TMEM150C: variants seen among roughly 807,000 people sequenced by gnomAD.
TMEM150C encodes the protein tentonin 3.
In TMEM150C, 10 loss-of-function variants were observed where a neutral mutation model predicts 29.9. The ratio of observed to expected loss-of-function variants is 0.33; its 90% CI spans 0.21 to 0.57. The LOEUF is 0.57. Among genes scored for constraint, TMEM150C ranks in the 20% least tolerant of loss-of-function variants. The probability of loss-of-function intolerance (pLI) is 0.88; values close to 1 mark genes in which losing one functional copy is unlikely to be tolerated. For synonymous variants in TMEM150C, 101 were observed against 112.5 expected, an observed-to-expected ratio of 0.90 and a Z score of 0.64; for missense variants, 251 against 303.6, an observed-to-expected ratio of 0.83 and a Z score of 1.29.
chr4:82,547,603 G>T lies in TMEM150C; in HGVS notation c.-11+14303C>A, dbSNP rs191787221. Among the ~76,000 whole-genome samples the T allele has an allele frequency of 6.3e-4, 95 of 150,616 alleles. 2 individuals are homozygous for T. The highest frequency in any genetic ancestry group is 1.8e-3 in the Admixed American group (27 of 15,146). ...GACTGTCTCAAAAATAAAAAAAAAAGAAAAAAAAGGTTTAATCACCAGAGA... is the reference window on the plus strand; with the variant it reads ...GACTGTCTCAAAAATAAAAAAAAAATAAAAAAAAGGTTTAATCACCAGAGA... On this transcript the variant is annotated intron_variant, in intron 1 of 7. Transcript: ENST00000449862.
At chr4:82,553,021 T>C (rs1725632122) in intron 1 of TMEM150C, among the ~76,000 whole-genome samples, 1 of 152,240 alleles carries the variant, frequency 6.6e-6, no homozygotes, top group East Asian at 1.9e-4. Flanking sequence ...ACAGAGGCTA[T>C]TAAAATTTGA....
Position 82,507,727 on chromosome 4 carries a change from C to CTTTTTTTT in TMEM150C, c.-10-3068_-10-3061dup, listed in dbSNP as rs869112887. ...TTAAATTAACTCTCTCTCTCTCTCT[C>CTTTTTTTT]TTTTTTTTTTTTTTTTTTTTTTTTT... On this transcript the variant is annotated intron_variant, in intron 1 of 7. Coordinates refer to ENST00000449862, the MANE Select transcript of TMEM150C (RefSeq NM_001080506.3). 8.7e-4 allele frequency among the ~76,000 whole-genome samples: 18 copies of CTTTTTTTT among 20,592 alleles called. 5 individuals carry two copies. Among genetic ancestry groups the CTTTTTTTT allele is most frequent in the Non-Finnish European group, 1.2e-3 (16 of 13,494 alleles). 13.5% of individuals were successfully genotyped at this position (20,592 alleles called of 152,430 possible). A position where few individuals can be genotyped will look rare whatever the true frequency, so the allele number is the denominator to read the frequency against.
intron 1 of TMEM150C, among the ~76,000 whole-genome samples, chr4:82,505,164 C>A (rs1183449398): frequency 6.6e-6 from 1 of 152,178 alleles, no homozygotes; most frequent in African/African-American, 2.4e-5. Flanking sequence ...TGATTGTTAT[C>A]TAGCTTAAAT....
At chr4:82,534,344 T>C (rs777405607) in intron 1 of TMEM150C, among the ~76,000 whole-genome samples, 19 of 152,118 alleles carry the variant, frequency 1.2e-4, no homozygotes, top group South Asian at 4.1e-4. Flanking sequence ...TGAAAAACTA[T>C]TACATTTAAC....
chr4:82,554,549 T>C (rs1350774531), intron 1 of TMEM150C, among the ~76,000 whole-genome samples: 1 of 152,182 alleles, frequency 6.6e-6, no homozygotes, highest in Non-Finnish European at 1.5e-5. Context: ...TTATTGCCAT[T>C]TAAATATTTC....
At chr4:82,493,402 TAAAA>T (rs1723435511) in intron 6 of TMEM150C, among the ~76,000 whole-genome samples, 3 of 152,132 alleles carry the variant, frequency 2.0e-5, no homozygotes, top group Non-Finnish European at 4.4e-5. Context: ...TAGTTAAACT[TAAAA>T]AAATTATAAT....
chr4:82,494,852 T>C (rs1482331070), intron 6 of TMEM150C: 4 of 460,792 alleles, frequency 8.7e-6, no homozygotes, highest in South Asian at 6.0e-5. Context: ...CCTGACTAGA[T>C]TCAGACTTAG....
At position 82,484,546 on chromosome 4, in the gene TMEM150C, T is replaced by G. The variant is rs760800760; in HGVS notation, c.*965A>C. On this transcript the variant is annotated 3_prime_UTR_variant, in exon 8 of 8. Transcript: ENST00000449862. ...TCCAGCAGCAGCTCTTTTTATTACC[T>G]CTGCACATCCATATTTCTTTCCATT... 2 of 152,164 alleles carry G rather than the reference T, an allele frequency of 1.3e-5. No homozygotes were observed. The highest frequency in any genetic ancestry group is 2.9e-5 in the Non-Finnish European group (2 of 68,028). The allele number at this position is 152,164 out of a possible 1,614,324, so 9.4% of individuals were successfully genotyped here.
chr4:82,500,513 A>G (rs1017992675), intron 5 of TMEM150C, among the ~76,000 whole-genome samples: 2 of 152,252 alleles, frequency 1.3e-5, no homozygotes, highest in Non-Finnish European at 2.9e-5. Context: ...ATGAAAGATA[A>G]TACAGAATAA....
At chr4:82,519,484 GC>G (rs1376506118) in intron 1 of TMEM150C, among the ~76,000 whole-genome samples, 1 of 151,718 alleles carries the variant, frequency 6.6e-6, no homozygotes, top group African/African-American at 2.4e-5. Flanking sequence ...GAGTGCAGTG[GC>G]CAAGATCTCG....
chr4:82,517,462 C>A (rs563728677), intron 1 of TMEM150C, among the ~76,000 whole-genome samples: 2 of 152,178 alleles, frequency 1.3e-5, no homozygotes, highest in Admixed American at 6.5e-5. Context: ...AGAAAACTCA[C>A]CCTTACCAAT....
intron 1 of TMEM150C, among the ~76,000 whole-genome samples, chr4:82,539,304 C>T (rs985867864): frequency 6.6e-6 from 1 of 151,906 alleles, no homozygotes; most frequent in African/African-American, 2.4e-5. Context: ...GCCGTTTTTA[C>T]CAATTCAGTA....
In TMEM150C at chr4:82,561,942, G is replaced by A. The variant is rs1725951617; in HGVS notation, c.-47C>T. 1 of 1,072,714 alleles carries A rather than the reference G, an allele frequency of 9.3e-7. No homozygotes were observed. Among genetic ancestry groups the A allele is most frequent in the South Asian group, 2.3e-5 (1 of 43,092 alleles). The allele number at this position is 1,072,714 out of a possible 1,614,324, so 66.4% of individuals were successfully genotyped here. ...CGGCGGGGCCGCTGTCGCCTCGAGG[G>A]GCTGTGACCTGCTGCGGTGGCGGCG... On this transcript the variant is annotated 5_prime_UTR_variant, in exon 1 of 8. Transcript: ENST00000449862.
Position 82,506,869 on chromosome 4 carries a change from A to G in TMEM150C, c.-10-2202T>C, listed in dbSNP as rs563598551. On this transcript the variant is annotated intron_variant, in intron 1 of 7. Coordinates refer to ENST00000449862, the MANE Select transcript of TMEM150C (RefSeq NM_001080506.3). ...GGAGTGATGATTGAGTAAGTAAACC[A>G]ATTATTCTAGGTCTGCCAATGAAAC... 5.9e-5 allele frequency among the ~76,000 whole-genome samples: 9 copies of G among 152,348 alleles called. No individual in the cohort carries two copies. The South Asian group carries it at 1.9e-3, about 32-fold the overall frequency.
chr4:82,559,910 C>A (rs938350614), intron 1 of TMEM150C, among the ~76,000 whole-genome samples: 1 of 152,156 alleles, frequency 6.6e-6, no homozygotes, highest in African/African-American at 2.4e-5. Context: ...CTCCAGGCTG[C>A]CCTGCTAATC....
chr4:82,486,856 G>C (rs941752355), intron 7 of TMEM150C, among the ~76,000 whole-genome samples: 1 of 152,050 alleles, frequency 6.6e-6, no homozygotes, highest in African/African-American at 2.4e-5. Flanking sequence ...CAGAATAAAT[G>C]GAAGGAGGAG....
At chr4:82,510,858 T>C (rs1030031750) in intron 1 of TMEM150C, among the ~76,000 whole-genome samples, 4 of 152,250 alleles carry the variant, frequency 2.6e-5, no homozygotes, top group Non-Finnish European at 5.9e-5. Flanking sequence ...ATCCTTGGTT[T>C]GTTTTTTAAC....
At chr4:82,501,957 G>A (rs1194484546) in intron 5 of TMEM150C, among the ~76,000 whole-genome samples, 1 of 152,208 alleles carries the variant, frequency 6.6e-6, no homozygotes, top group Admixed American at 6.5e-5. Flanking sequence ...AGGATGGGCT[G>A]TCTTTGGTCC....
At position 82,484,373 on chromosome 4, in the gene TMEM150C, T is replaced by C. The variant is rs1204024008; in HGVS notation, c.*1138A>G. 3.3e-5 allele frequency: 5 copies of C among 150,566 alleles called. No homozygotes were observed. The East Asian group carries it at 5.8e-4, about 18-fold the overall frequency. 9.3% of individuals were successfully genotyped at this position (150,566 alleles called of 1,614,324 possible). A position where few individuals can be genotyped will look rare whatever the true frequency, so the allele number is the denominator to read the frequency against. ...TTTTTAGGAAGGGTATTCTTTTAAT[T>C]GGCTTCTACAAATTCCAAATTTGAA... On this transcript the variant is annotated 3_prime_UTR_variant, in exon 8 of 8. Coordinates refer to ENST00000449862, the MANE Select transcript of TMEM150C (RefSeq NM_001080506.3).
Sources: gnomAD v4.1 joint callset for allele counts (sites outside exome capture counted in the v4.1 genomes callset) on GRCh38, gnomAD v4.1.1 for gene constraint, MANE v1.5 for transcripts, NCBI Gene and HGNC (gene_info 2026-07-23, HGNC 2026-07-21) for gene names.